MGAT5: variants seen among roughly 807,000 people sequenced by gnomAD.
MGAT5 encodes alpha-1,6-mannosylglycoprotein 6-beta-N-acetylglucosaminyltransferase A.
In MGAT5, 30 loss-of-function variants were observed where a neutral mutation model predicts 94.3. That is an observed-to-expected ratio of 0.32 (90% CI 0.24 to 0.43). The LOEUF (loss-of-function observed/expected upper bound fraction) is 0.43. Ranked by LOEUF, MGAT5 falls within the 20% of genes least tolerant of loss-of-function variation. MGAT5 has a pLI of 1.00. For missense variants in MGAT5, 691 were observed against 905.5 expected, an observed-to-expected ratio of 0.76 and a Z score of 3.04; for synonymous variants, 310 against 322.9, an observed-to-expected ratio of 0.96 and a Z score of 0.43.
chr2:134,242,157 G>A (rs1283146500), intron 1 of MGAT5, among the ~76,000 whole-genome samples: 2 of 152,214 alleles, frequency 1.3e-5, no homozygotes, highest in East Asian at 3.8e-4. Context: ...AAACCCCCAT[G>A]ATGTTGAACT....
In MGAT5 at chr2:134,268,766, C is replaced by T. The variant is rs1683861318; in HGVS notation, c.242-1620C>T. Among the ~76,000 whole-genome samples the T allele has an allele frequency of 6.6e-6, 1 of 152,196 alleles. No homozygotes were observed. The highest frequency in any genetic ancestry group is 6.5e-5 in the Admixed American group (1 of 15,274). On this transcript the variant is annotated intron_variant, in intron 1 of 15. Transcript: ENST00000281923. This position sits in a 1 kb window ranked among gnomAD's most constrained non-coding sequence, Gnocchi z 4.1. ...TAACTCTTTAACTCCTCTTGACAAC[C>T]TCAAAGCTGAAGTGTTGTTCATGTC...
chr2:134,336,371 C>A, intron 5 of MGAT5, 83 bp downstream of exon 5: 1 of 1,118,670 alleles, frequency 8.9e-7, no homozygotes, highest in Non-Finnish European at 1.3e-6. Context: ...TCTAGAAATG[C>A]CAACTATAAC....
intron 1 of MGAT5, among the ~76,000 whole-genome samples, chr2:134,239,181 G>A (rs1031900659): frequency 2.6e-5 from 4 of 151,930 alleles, no homozygotes; most frequent in South Asian, 4.1e-4. Context: ...TGTATTTTTC[G>A]TAGAGGCAGG....
chr2:134,339,172 C>G (rs1311625840), intron 6 of MGAT5, among the ~76,000 whole-genome samples: 1 of 152,128 alleles, frequency 6.6e-6, no homozygotes, highest in Non-Finnish European at 1.5e-5. Context: ...TCAGTTTTGC[C>G]TAGATCTCTT....
intron 8 of MGAT5, among the ~76,000 whole-genome samples, chr2:134,347,317 G>C (rs1477783034): frequency 6.6e-6 from 1 of 152,156 alleles, no homozygotes; most frequent in Non-Finnish European, 1.5e-5. Context: ...ATTTCTGAGA[G>C]ACATCCGATC....
chr2:134,128,132 G>A (rs1288803180), intron 1 of MGAT5, among the ~76,000 whole-genome samples: 8 of 151,926 alleles, frequency 5.3e-5, no homozygotes, highest in African/African-American at 1.9e-4. Flanking sequence ...ACTCTCAGAG[G>A]CTGAGATGGA....
rs1686079934 is a variant in MGAT5 at position 134,451,070 on chromosome 2, G to A, written c.*2223G>A. The A allele has an allele frequency of 6.6e-6, 1 of 152,078 alleles. No homozygotes were observed. The highest frequency in any genetic ancestry group is 2.4e-5 in the African/African-American group (1 of 41,388). The allele number at this position is 152,078 out of a possible 1,614,324, so 9.4% of individuals were successfully genotyped here. On this transcript the variant is annotated 3_prime_UTR_variant, in exon 16 of 16. Coordinates refer to ENST00000281923, the MANE Select transcript of MGAT5 (RefSeq NM_002410.5). ...TGTCAATGCAAGTATCTGACCAACA[G>A]GGGGAGCCTGCAGGCCGAGCAAAGT... is the stretch of plus-strand genomic sequence containing the variant.
At chr2:134,270,947 CTGT>C (rs943114254) in intron 2 of MGAT5, among the ~76,000 whole-genome samples, 1 of 152,190 alleles carries the variant, frequency 6.6e-6, no homozygotes, top group African/African-American at 2.4e-5. Context: ...TCTCTCCTCC[CTGT>C]TGTTAAAAAA....
At chr2:134,223,013 A>G (rs899357752) in intron 1 of MGAT5, among the ~76,000 whole-genome samples, 3 of 152,126 alleles carry the variant, frequency 2.0e-5, no homozygotes, top group African/African-American at 7.2e-5. Flanking sequence ...CTATATCTAT[A>G]TTTATCTTCA....
At chr2:134,366,043 C>T (rs1680407694) in intron 10 of MGAT5, among the ~76,000 whole-genome samples, 1 of 152,172 alleles carries the variant, frequency 6.6e-6, no homozygotes, top group African/African-American at 2.4e-5. Context: ...TGCCCAAGCC[C>T]CTTAATATCA....
At chr2:134,212,915 G>A (rs1680277080) in intron 1 of MGAT5, among the ~76,000 whole-genome samples, 1 of 152,196 alleles carries the variant, frequency 6.6e-6, no homozygotes, top group South Asian at 2.1e-4. Context: ...TGGCGTAAGT[G>A]AGCCAGCTTG....
intron 10 of MGAT5, among the ~76,000 whole-genome samples, chr2:134,381,382 T>TTAGCTAGATAGATAGA (rs1275452620): frequency 2.1e-3 from 227 of 108,570 alleles, no homozygotes; most frequent in South Asian, 6.1e-3. Context: ...ATAAGATAGA[T>TTAGCTAGATAGATAGA]TAGATAGATA....
At chr2:134,254,845 A>C (rs1682833457) in intron 1 of MGAT5, among the ~76,000 whole-genome samples, 2 of 152,144 alleles carry the variant, frequency 1.3e-5, no homozygotes, top group Non-Finnish European at 2.9e-5. Context: ...ATGCAGACAC[A>C]CTTTCCCCTG....
intron 1 of MGAT5, among the ~76,000 whole-genome samples, chr2:134,189,608 T>TTTTTTTTTTTTTTTTG: frequency 1.1e-5 from 1 of 92,348 alleles, no homozygotes; most frequent in East Asian, 3.9e-4. Flanking sequence ...TTTTGTTTTT[T>TTTTTTTTTTTTTTTTG]TTTTTTTTTT....
In MGAT5 at chr2:134,246,167, T is replaced by TAAAAA. The variant is rs11378452; in HGVS notation, c.-142-8079_-142-8075dup. 1.6e-3 allele frequency among the ~76,000 whole-genome samples: 207 copies of TAAAAA among 130,496 alleles called. 6 individuals carry two copies. The highest frequency in any genetic ancestry group is 1.5e-3 in the Non-Finnish European group (90 of 61,914). 85.6% of individuals were successfully genotyped at this position (130,496 alleles called of 152,430 possible). A position where few individuals can be genotyped will look rare whatever the true frequency, so the allele number is the denominator to read the frequency against. On this transcript the variant is annotated intron_variant, in intron 1 of 16. Transcript: ENST00000409645. ...ATTTAGAATGTGTTTTTCCTGTTTATAAAAAAAAAAAAAAAAAAAAGGACC... is the reference window on the plus strand; with the variant it reads ...ATTTAGAATGTGTTTTTCCTGTTTATAAAAAAAAAAAAAAAAAAAAAAAAAGGACC...
intron 8 of MGAT5, among the ~76,000 whole-genome samples, chr2:134,347,561 C>T (rs1558812230): frequency 6.6e-6 from 1 of 152,102 alleles, no homozygotes. Flanking sequence ...TCCACATCAA[C>T]GGATCAACCG....
chr2:134,168,840 G>A (rs1338851154), intron 1 of MGAT5, among the ~76,000 whole-genome samples: 3 of 152,190 alleles, frequency 2.0e-5, no homozygotes, highest in Non-Finnish European at 2.9e-5. Flanking sequence ...GTTGTTTTTG[G>A]TATTCAGGAT....
intron 1 of MGAT5, among the ~76,000 whole-genome samples, chr2:134,176,573 A>T (rs796927168): frequency 1.9e-4 from 5 of 25,962 alleles, no homozygotes; most frequent in African/African-American, 5.9e-4. Flanking sequence ...ACTCTGTCTT[A>T]AAAAAAAAAA....
rs879804750 is a variant in MGAT5, at chr2:134,337,303, C to A, written c.646-956C>A. 4.6e-5 allele frequency among the ~76,000 whole-genome samples: 7 copies of A among 152,162 alleles called. No homozygotes were observed. The South Asian group carries it at 8.3e-4, about 18-fold the overall frequency. The stretch of plus-strand genomic sequence containing the variant: ...CAGCCTGGGCAATACAGCAGGACCC[C>A]ATCACTACAAAAAATTTAAAAACTA... On this transcript the variant is annotated intron_variant, in intron 5 of 15. Transcript: ENST00000281923.
Sources: allele counts gnomAD v4.1 joint callset (sites outside exome capture counted in the v4.1 genomes callset), GRCh38; gene constraint gnomAD v4.1.1; non-coding constraint Gnocchi (gnomAD v3.1); transcripts MANE v1.5; gene names NCBI Gene and HGNC (gene_info 2026-07-23, HGNC 2026-07-21).